Variants in TEP1 observed in about 807,000 individuals in gnomAD.
The protein encoded by TEP1 is telomerase associated protein 1.
A neutral mutation model predicts 306.3 loss-of-function variants in TEP1; 241 were observed. The ratio of observed to expected loss-of-function variants is 0.79; its 90% CI spans 0.71 to 0.88. TEP1 has a LOEUF of 0.88. TEP1 is among the 40% of genes least tolerant of loss of function. The pLI is 0.00. For missense variants in TEP1, 3,051 were observed against 3,276.1 expected (o/e 0.93, Z 1.68); for synonymous variants, 1,289 against 1,305.5 (o/e 0.99, Z 0.27).
At position 20,381,204 on chromosome 14, in the gene TEP1, G is replaced by A. The variant is rs940265214; in HGVS notation, c.4647+109C>T. The A allele has an allele frequency of 1.6e-6, 2 of 1,274,642 alleles. No homozygotes were observed. The highest frequency in any genetic ancestry group is 2.9e-5 in the African/African-American group (2 of 67,992). 79.0% of individuals were successfully genotyped at this position (1,274,642 alleles called of 1,614,324 possible). ...GAAAGGAAAGAGGTCAAGGGAGTTTGGGAGGGGTAATGGCGGCGGTGATGG... is the reference window on the plus strand; with the variant it reads ...GAAAGGAAAGAGGTCAAGGGAGTTTAGGAGGGGTAATGGCGGCGGTGATGG... On this transcript the variant is annotated intron_variant, in intron 32 of 54. Coordinates refer to ENST00000262715, the MANE Select transcript of TEP1 (RefSeq NM_007110.5). This position sits in a 1 kb window ranked among gnomAD's most constrained non-coding sequence, Gnocchi z 4.0.
In TEP1 at chr14:20,400,958, G is replaced by A. The variant is rs199659105; in HGVS notation, c.1549+26C>T. ...GGCATAAATGGGGAAGAGAAGGAGG[G>A]AATGTGATGGTCAAGGTCACTCTAC... On this transcript the variant is annotated intron_variant, in intron 9 of 54. Transcript: ENST00000262715. 3,007 of 1,609,622 alleles carry A rather than the reference G, an allele frequency of 1.9e-3. 15 individuals carry two copies. Among genetic ancestry groups the A allele is most frequent in the Middle Eastern group, 7.3e-3 (44 of 6,026 alleles).
intron 9 of TEP1, chr14:20,400,588 A>G (rs539038032): frequency 1.3e-5 from 2 of 152,420 alleles, no homozygotes; most frequent in South Asian, 2.1e-4. Context: ...TTCTGTATCA[A>G]TGTGGGCAAA....
At chr14:20,393,809 G>A (rs1393716105) in intron 12 of TEP1, among the ~76,000 whole-genome samples, 1 of 151,450 alleles carries the variant, frequency 6.6e-6, no homozygotes, top group Non-Finnish European at 1.5e-5. Context: ...GAGCCAGGGT[G>A]CTTAGCTAAT....
chr14:20,387,885 G>A lies in TEP1; in HGVS notation c.2684+20C>T, dbSNP rs1254717981. On this transcript the variant is annotated intron_variant, in intron 18 of 54. Transcript: ENST00000262715. ...CTGCAGCCCCTCCCAATTCACAAAG[G>A]CATAGAAACACAGACTGACCCTTGC... The A allele has an allele frequency of 4.4e-6, 7 of 1,579,950 alleles. No individual in the cohort carries two copies. Among genetic ancestry groups the A allele is most frequent in the African/African-American group, 1.4e-5 (1 of 72,720 alleles).
At chr14:20,387,329 CT>C (rs1195958399) in intron 18 of TEP1, among the ~76,000 whole-genome samples, 2 of 148,308 alleles carry the variant, frequency 1.3e-5, no homozygotes, top group African/African-American at 4.9e-5. Context: ...GGCAGATCAC[CT>C]GAGGTCGGGA....
Position 20,381,295 on chromosome 14 carries a change from T to C in TEP1, c.4647+18A>G. ...GCACTCACTTTGGGAAAGGTGTCTA[T>C]GGGGTCTAGGAACTAACCAGGTGGT... On this transcript the variant is annotated intron_variant, in intron 32 of 54. Coordinates refer to ENST00000262715, the MANE Select transcript of TEP1 (RefSeq NM_007110.5). The surrounding 1 kb of genome is among the most constrained non-coding windows in gnomAD (Gnocchi z 4.0). The C allele has an allele frequency of 6.2e-7, 1 of 1,613,382 alleles. No individual in the cohort carries two copies. The highest frequency in any genetic ancestry group is 8.5e-7 in the Non-Finnish European group (1 of 1,179,344).
chr14:20,405,669 C>G, intron 3 of TEP1, 84 bp from the exon 4 acceptor site: 1 of 1,508,946 alleles, frequency 6.6e-7, no homozygotes, highest in Non-Finnish European at 8.9e-7. Flanking sequence ...CTTACAAAGT[C>G]AAGGACAGAG....
chr14:20,397,108 G>A (rs1456572978), intron 9 of TEP1, among the ~76,000 whole-genome samples: 2 of 152,226 alleles, frequency 1.3e-5, no homozygotes, highest in African/African-American at 4.8e-5. Context: ...TGGGATGGCT[G>A]TTATGTTACC....
intron 41 of TEP1, among the ~76,000 whole-genome samples, chr14:20,376,886 C>T (rs781744268): frequency 6.6e-6 from 1 of 152,120 alleles, no homozygotes; most frequent in African/African-American, 2.4e-5. Context: ...CATATACATA[C>T]AACTTGGAGA....
At chr14:20,400,497 CA>C (rs71108598) in intron 9 of TEP1, among the ~76,000 whole-genome samples, 7,087 of 84,106 alleles carry the variant, frequency 0.084, 111 homozygotes, top group South Asian at 0.14. Context: ...AAAAGTAGAC[CA>C]AAAAAAAAAA....
At position 20,381,217 on chromosome 14, in the gene TEP1, G is replaced by A; in HGVS notation, c.4647+96C>T. 3 of 1,343,426 alleles carry A rather than the reference G, an allele frequency of 2.2e-6. No homozygotes were observed. The highest frequency in any genetic ancestry group is 3.2e-6 in the Non-Finnish European group (3 of 934,480). 83.2% of individuals were successfully genotyped at this position (1,343,426 alleles called of 1,614,324 possible). A position where few individuals can be genotyped will look rare whatever the true frequency, so the allele number is the denominator to read the frequency against. On this transcript the variant is annotated intron_variant, in intron 32 of 54. Transcript: ENST00000262715. The surrounding 1 kb of genome is among the most constrained non-coding windows in gnomAD (Gnocchi z 4.0). ...TCAAGGGAGTTTGGGAGGGGTAATG[G>A]CGGCGGTGATGGTGGAGATGGTAAC...
intron 4 of TEP1, 38 bp from the exon 5 acceptor site, chr14:20,404,810 TC>T (rs750806580): frequency 1.3e-6 from 2 of 1,564,442 alleles, no homozygotes; most frequent in East Asian, 4.5e-5. Context: ...TCTCAGTCAC[TC>T]CTCCCGTAGC....
intron 9 of TEP1, 61 bp from the exon 10 acceptor site, chr14:20,396,791 C>A (rs915716175): frequency 1.7e-6 from 2 of 1,192,714 alleles, no homozygotes; most frequent in Non-Finnish European, 2.4e-6. Flanking sequence ...CAGTGGCATG[C>A]ACCTATAATC....
chr14:20,373,378 C>T lies in TEP1; in HGVS notation c.6706G>A (p.Gly2236Arg), dbSNP rs759925531. Reference protein sequence around the residue: ...LLVCQTHTLLGHSGPVRAAAV... With the variant: ...LLVCQTHTLLRHSGPVRAAAV... ...GCAGCACGGACTGGGCCGCTGTGTC[C>T]CAGGAGGGTGTGGGTTTGGCACACC... Residue 2236 changes from glycine (G) to arginine (R), a missense_variant, in exon 47 of 55, where the codon GGA (glycine) becomes AGA (arginine). By Grantham distance (125) the Gly-to-Arg change is moderately radical. This residue lies in a region of TEP1 where 1,540 missense variants were observed against 1,705.9 expected (regional missense o/e 0.90). Coordinates refer to ENST00000262715, the MANE Select transcript of TEP1 (RefSeq NM_007110.5). 16 of 1,614,032 alleles carry T rather than the reference C, an allele frequency of 9.9e-6. 1 individual carries two copies. In the South Asian group the frequency reaches 1.4e-4, roughly 14 times the overall value.
chr14:20,408,434 T>C lies in TEP1; in HGVS notation c.6A>G (p.Glu2=). 6.2e-7 allele frequency: 1 copy of C among 1,612,006 alleles called. No homozygotes were observed. The highest frequency in any genetic ancestry group is 1.3e-5 in the African/African-American group (1 of 75,000). Residue 2 remains glutamate (E), a synonymous_variant, in exon 2 of 55, where the codon GAA becomes GAG. Coordinates refer to ENST00000262715, the MANE Select transcript of TEP1 (RefSeq NM_007110.5). ...GGGCAGACACATGCCCATGGAGTTT[T>C]TCCATGGCTGAAACTCAGCTTGTAT... M[E]KLHGHVSAHP...
chr14:20,408,507 A>G, intron 1 of TEP1, 44 bp from the exon 2 acceptor site: 1 of 1,479,282 alleles, frequency 6.8e-7, no homozygotes, highest in Non-Finnish European at 9.1e-7. Context: ...GGCTGCACTG[A>G]GCGTGTATTT....
At position 20,407,926 on chromosome 14, in the gene TEP1, G is replaced by A. The variant is rs765003581; in HGVS notation, c.514C>T (p.Pro172Ser). 9 of 1,613,426 alleles carry A rather than the reference G, an allele frequency of 5.6e-6. No individual in the cohort carries two copies. The highest frequency in any genetic ancestry group is 7.6e-6 in the Non-Finnish European group (9 of 1,179,760). ...GCAGAGATGGATTTCAGGGCTATAG[G>A]GCAGGTTGAAAGGTCTAGTCCCTTA... ...FSKGLDLSTC[P>S]IALKSISATE... The change falls in exon 2 of 55, where the codon CCT becomes TCT. Residue 172 changes from proline to serine, a missense_variant. Pro to Ser is a moderately conservative substitution (Grantham distance 74). Coordinates refer to ENST00000262715, the MANE Select transcript of TEP1 (RefSeq NM_007110.5).
Position 20,386,182 on chromosome 14 carries a change from A to T in TEP1, c.2875T>A (p.Cys959Ser). 6.2e-7 allele frequency: 1 copy of T among 1,613,932 alleles called. No individual in the cohort carries two copies. The highest frequency in any genetic ancestry group is 1.7e-5 in the Admixed American group (1 of 59,984). The change falls in exon 20 of 55, where the codon TGC (cysteine) becomes AGC (serine). Residue 959 changes from cysteine to serine, a missense_variant. Cys to Ser is a moderately radical substitution (Grantham distance 112). This residue lies in a region of TEP1 where 1,507 missense variants were observed against 1,550.5 expected (regional missense o/e 0.97). Transcript: ENST00000262715. ...TGTGCGTTCTCCACCTCCCCAAGGC[A>T]CACTTCCAGTTGTCTGTAGGCATGA... ...ETRRNRQLEV[C>S]LGEVENAQLF...
In TEP1 at chr14:20,395,516, A is replaced by G; in HGVS notation, c.1862T>C (p.Met621Thr). The change falls in exon 12 of 55, where the codon ATG (methionine) becomes ACG (threonine). Residue 621 changes from methionine (M) to threonine (T), a missense_variant. Coordinates refer to ENST00000262715, the MANE Select transcript of TEP1 (RefSeq NM_007110.5). Reference sequence around the variant, plus strand: ...ATACAACACAGGTATCCTCATTGCCATCCGAAGCTGCTGACGGCTTAGGTG... The same window carrying G: ...ATACAACACAGGTATCCTCATTGCCGTCCGAAGCTGCTGACGGCTTAGGTG... ...LCHLSRQQLR[M>T]AMRIPVLYEQ... 1 of 1,613,850 alleles carries G rather than the reference A, an allele frequency of 6.2e-7. No homozygotes were observed. Among genetic ancestry groups the G allele is most frequent in the Non-Finnish European group, 8.5e-7 (1 of 1,179,838 alleles).
Sources: gnomAD v4.1 joint callset for allele counts (sites outside exome capture counted in the v4.1 genomes callset) on GRCh38, gnomAD v4.1.1 for gene constraint, gnomAD v4.1.1 regional missense constraint, Gnocchi (gnomAD v3.1) non-coding constraint, MANE v1.5 for transcripts, NCBI Gene and HGNC (gene_info 2026-07-23, HGNC 2026-07-21) for gene names.